The following CCT2 variants were observed in gnomAD, a reference collection of about 807,000 sequenced individuals.
CCT2 encodes the protein chaperonin containing TCP1 subunit 2.
Under a neutral mutation model 61.8 loss-of-function variants are expected in CCT2, and 18 were observed. The ratio of observed to expected loss-of-function variants is 0.29; its 90% CI spans 0.20 to 0.43. CCT2 has a LOEUF of 0.43. CCT2 is among the 20% of genes least tolerant of loss of function. The probability of loss-of-function intolerance (pLI) is 1.00; values close to 1 mark genes in which losing one functional copy is unlikely to be tolerated. For missense variants in CCT2, 556 were observed against 656.9 expected (o/e 0.85, Z 1.68); for synonymous variants, 248 against 215.9 (o/e 1.15, Z -1.30).
chr12:69,598,080 A>G lies in CCT2; in HGVS notation c.1335+9A>G, dbSNP rs1882043012. The G allele has an allele frequency of 1.9e-6, 3 of 1,585,532 alleles. No homozygotes were observed. Among genetic ancestry groups the G allele is most frequent in the African/African-American group, 1.3e-5 (1 of 74,260 alleles). ...CTAAAGCACTGAGAATGGTAAGTTA[A>G]TCAAAATGAGAGATCCGAACTTAAG... On this transcript the variant is annotated intron_variant, in intron 13 of 15. Coordinates refer to ENST00000299300, the MANE Select transcript of CCT2 (RefSeq NM_006431.3).
chr12:69,588,571 G>T (rs1881736502), intron 6 of CCT2: 2 of 223,982 alleles, frequency 8.9e-6, no homozygotes, highest in African/African-American at 4.6e-5. Flanking sequence ...AATTTTCTGT[G>T]CAGTATTTTA....
At chr12:69,594,944 A>G (rs17813407) in intron 10 of CCT2, among the ~76,000 whole-genome samples, 1 of 152,104 alleles carries the variant, frequency 6.6e-6, no homozygotes, top group African/African-American at 2.4e-5. Flanking sequence ...GGATATAAGT[A>G]TAGTTTTGTT....
chr12:69,593,156 C>CG, intron 9 of CCT2, 53 bp downstream of exon 9: 1 of 1,479,378 alleles, frequency 6.8e-7, no homozygotes, highest in Non-Finnish European at 9.3e-7. Flanking sequence ...TTATGGAATA[C>CG]TTCATATTTA....
intron 8 of CCT2, 129 bp downstream of exon 8, chr12:69,592,288 C>T (rs747237338): frequency 2.0e-6 from 1 of 504,546 alleles, no homozygotes; most frequent in Non-Finnish European, 3.7e-6. Flanking sequence ...CCAGCCTGAC[C>T]AACATGGAGA....
In CCT2 at chr12:69,592,046, A is replaced by G; in HGVS notation, c.650-13A>G. The G allele has an allele frequency of 7.0e-7, 1 of 1,428,134 alleles. No homozygotes were observed. The allele number at this position is 1,428,134 out of a possible 1,614,324, so 88.5% of individuals were successfully genotyped here. On this transcript the variant is annotated splice_polypyrimidine_tract_variant and intron_variant, in intron 7 of 15. Coordinates refer to ENST00000299300, the MANE Select transcript of CCT2 (RefSeq NM_006431.3). ...AAGTATTAAATATGATACTGTTCTT[A>G]TATTTATTGTAGGCTTCCTGTTGGA...
In CCT2 at chr12:69,599,928, C is replaced by T. The variant is rs1882101623; in HGVS notation, c.1501C>T (p.Arg501Ter). 1 of 1,613,698 alleles carries T rather than the reference C, an allele frequency of 6.2e-7. No individual in the cohort carries two copies. The highest frequency in any genetic ancestry group is 8.5e-7 in the Non-Finnish European group (1 of 1,179,776). ...LGITESFQVKRQVLLSAAEAA... is the reference protein window; with the variant it reads ...LGITESFQVK Reference sequence around the variant, plus strand: ...TATAACAGAAAGTTTTCAAGTGAAGCGACAGGTTCTTCTGAGTGCAGCTGA... The same window carrying T: ...TATAACAGAAAGTTTTCAAGTGAAGTGACAGGTTCTTCTGAGTGCAGCTGA... The change falls in exon 15 of 16, where the codon CGA becomes TGA. Residue 501 changes from arginine to a stop codon, truncating the protein, a stop_gained. Coordinates refer to ENST00000299300, the MANE Select transcript of CCT2 (RefSeq NM_006431.3). LOFTEE classifies it high-confidence loss of function.
In CCT2 at chr12:69,592,707, A is replaced by C. The variant is rs547973807; in HGVS notation, c.751-269A>C. The C allele has an allele frequency of 4.4e-4, 126 of 287,362 alleles. 2 individuals are homozygous for C. The highest frequency in any genetic ancestry group is 2.0e-3 in the African/African-American group (89 of 45,312). 17.8% of individuals were successfully genotyped at this position (287,362 alleles called of 1,614,324 possible). A position where few individuals can be genotyped will look rare whatever the true frequency, so the allele number is the denominator to read the frequency against. On this transcript the variant is annotated intron_variant, in intron 8 of 15. Transcript: ENST00000299300. ...TTGGGAGGCCAGGCGGGCGGATCAC[A>C]AGGTCAGGAGTTCAAGGCCAGACTG...
chr12:69,600,101 G>T (rs1291661475), intron 15 of CCT2, 97 bp downstream of exon 15: 2 of 1,139,268 alleles, frequency 1.8e-6, no homozygotes, highest in African/African-American at 1.6e-5. Context: ...AGCAGAGACA[G>T]TTTTGCCTGG....
At chr12:69,593,667 GT>G in intron 10 of CCT2, 54 bp downstream of exon 10, 1 of 1,107,086 alleles carries the variant, frequency 9.0e-7, no homozygotes, top group Non-Finnish European at 1.4e-6. Flanking sequence ...TCTTGAATTT[GT>G]TATTTGTTAC....
intron 3 of CCT2, chr12:69,587,122 A>G (rs1379333866): frequency 3.0e-6 from 1 of 331,152 alleles, no homozygotes; most frequent in South Asian, 8.9e-5. Flanking sequence ...AACAGATACT[A>G]TTTATCAATA....
chr12:69,585,651 C>T, intron 1 of CCT2, 127 bp downstream of exon 1: 1 of 1,534,222 alleles, frequency 6.5e-7, no homozygotes, highest in Non-Finnish European at 8.8e-7. Context: ...GCACATGGTG[C>T]GAGCCATGCG....
intron 6 of CCT2, 105 bp downstream of exon 6, chr12:69,588,367 T>TTGC: frequency 1.3e-6 from 1 of 788,484 alleles, no homozygotes; most frequent in Non-Finnish European, 2.1e-6. Context: ...AAAGATCATC[T>TTGC]TGCTGCCTCA....
intron 9 of CCT2, 35 bp downstream of exon 9, chr12:69,593,138 A>T (rs1277901417): frequency 2.5e-6 from 4 of 1,569,374 alleles, no homozygotes; most frequent in Admixed American, 3.5e-5. Flanking sequence ...ATTTTTTTCC[A>T]TGAAAGTTTA....
At chr12:69,594,138 C>CA (rs113074130) in intron 10 of CCT2, among the ~76,000 whole-genome samples, 1,937 of 134,296 alleles carry the variant, frequency 0.014, 32 homozygotes, top group African/African-American at 0.047. Context: ...GACCCTGTCT[C>CA]AAAAAAAAAA....
At chr12:69,597,397 T>C in intron 11 of CCT2, 122 bp downstream of exon 11, 1 of 1,246,896 alleles carries the variant, frequency 8.0e-7, no homozygotes, top group Non-Finnish European at 1.1e-6. Context: ...AGAAGCATGA[T>C]ACATACTTTG....
chr12:69,600,145 C>A, intron 15 of CCT2, 141 bp downstream of exon 15: 1 of 798,762 alleles, frequency 1.3e-6, no homozygotes, highest in Non-Finnish European at 1.9e-6. Context: ...AATATCACAA[C>A]TCTTAACACT....
At chr12:69,592,918 A>T in intron 8 of CCT2, 58 bp from the exon 9 acceptor site, 4 of 1,556,968 alleles carry the variant, frequency 2.6e-6, no homozygotes, top group South Asian at 1.2e-5. Flanking sequence ...ACAGAGCGAG[A>T]CTCAATCTCA....
intron 10 of CCT2, among the ~76,000 whole-genome samples, chr12:69,594,848 A>G (rs1230815497): frequency 2.9e-4 from 21 of 73,192 alleles, no homozygotes; most frequent in East Asian, 2.7e-3. Flanking sequence ...CCTGTCTTTA[A>G]AAAAAAAAAA....
intron 14 of CCT2, 32 bp downstream of exon 14, chr12:69,598,453 G>T: frequency 7.4e-7 from 1 of 1,347,790 alleles, no homozygotes; most frequent in Non-Finnish European, 1.0e-6. Context: ...TGTGGCCGTT[G>T]TTAAAAGTAA....
Sources: allele counts gnomAD v4.1 joint callset (sites outside exome capture counted in the v4.1 genomes callset), GRCh38; gene constraint gnomAD v4.1.1; transcripts MANE v1.5; gene names NCBI Gene and HGNC (gene_info 2026-07-23, HGNC 2026-07-21).